ABCC1: variants seen among roughly 807,000 people sequenced by gnomAD.
ABCC1 encodes ATP binding cassette subfamily C member 1 (ABCC1 blood group), also known as multidrug resistance-associated protein 1.
In ABCC1, 83 loss-of-function variants were observed where a neutral mutation model predicts 172.9. That is an observed-to-expected ratio of 0.48 (90% CI 0.40 to 0.58). ABCC1 has a LOEUF of 0.58. Among genes scored for constraint, ABCC1 ranks in the 20% least tolerant of loss-of-function variants. ABCC1 has a pLI of 0.00. For missense variants in ABCC1, 1,817 were observed against 2,002.7 expected (o/e 0.91, Z 1.77); for synonymous variants, 937 against 825.2 (o/e 1.14, Z -2.32).
Position 16,125,920 on chromosome 16 carries a change from G to A in ABCC1, c.3819+9G>A, listed in dbSNP as rs772901199. The A allele has an allele frequency of 3.1e-6, 5 of 1,610,196 alleles. No homozygotes were observed. Among genetic ancestry groups the A allele is most frequent in the Non-Finnish European group, 4.2e-6 (5 of 1,176,808 alleles). On this transcript the variant is annotated intron_variant, in intron 26 of 30. Transcript: ENST00000399410. Reference sequence around the variant, plus strand: ...CAGAGACTGAGAAGGAGGTAGGCAAGGGCCCCTGGCTGGACCTCTTGGTCT... The same window carrying A: ...CAGAGACTGAGAAGGAGGTAGGCAAAGGCCCCTGGCTGGACCTCTTGGTCT...
At chr16:15,967,367 A>G (rs920569004) in intron 1 of ABCC1, among the ~76,000 whole-genome samples, 12 of 151,992 alleles carry the variant, frequency 7.9e-5, no homozygotes, top group African/African-American at 2.9e-4. Flanking sequence ...AGTCTCTTGG[A>G]CAAGATGGGT....
chr16:16,021,695 A>G (rs561983127), intron 5 of ABCC1, among the ~76,000 whole-genome samples: 2 of 152,322 alleles, frequency 1.3e-5, no homozygotes, highest in South Asian at 2.1e-4. Flanking sequence ...CAACAGACTG[A>G]GACCCTGTCT....
At chr16:16,054,806 T>C (rs2049581900) in intron 11 of ABCC1, among the ~76,000 whole-genome samples, 1 of 152,194 alleles carries the variant, frequency 6.6e-6, no homozygotes, top group Admixed American at 6.5e-5. Flanking sequence ...TCTGAATACA[T>C]GTAAAATGCT....
chr16:16,135,381 C>A (rs212085), intron 28 of ABCC1, among the ~76,000 whole-genome samples: 1 of 152,004 alleles, frequency 6.6e-6, no homozygotes, highest in African/African-American at 2.4e-5. Context: ...CCATGAGTAC[C>A]CAGAGTTTAG....
intron 19 of ABCC1, among the ~76,000 whole-genome samples, chr16:16,094,705 C>T (rs569704633): frequency 3.3e-4 from 49 of 149,850 alleles, no homozygotes; most frequent in Non-Finnish European, 4.7e-4. Context: ...TTAGTAGAAA[C>T]GGGGTTTCAC....
Position 16,090,578 on chromosome 16 carries a change from AGAG to A in ABCC1, c.2638_2640del (p.Glu880del). The A allele has an allele frequency of 1.3e-6, 2 of 1,597,068 alleles. No homozygotes were observed. The highest frequency in any genetic ancestry group is 1.7e-6 in the Non-Finnish European group (2 of 1,168,188). On this transcript the variant is annotated inframe_deletion, in exon 19 of 31. Transcript: ENST00000399410. ...CCAGCACAGAGCAGGAGCAGGATGC[AGAG>A]GAGAACGGTAGGGGCAGCCCCAGGG...
chr16:15,997,668 G>A (rs2047102965), intron 1 of ABCC1, among the ~76,000 whole-genome samples: 1 of 151,958 alleles, frequency 6.6e-6, no homozygotes, highest in Non-Finnish European at 1.5e-5. Flanking sequence ...GAGCCTTTAG[G>A]TATTGCCCAT....
intron 19 of ABCC1, 138 bp downstream of exon 19, chr16:16,090,726 C>A (rs2051219165): frequency 1.1e-6 from 1 of 931,324 alleles, no homozygotes. Flanking sequence ...GATGGAGCCC[C>A]CTAAAGAAGC....
chr16:16,111,012 T>C (rs1241765021), intron 21 of ABCC1, among the ~76,000 whole-genome samples: 1 of 152,090 alleles, frequency 6.6e-6, no homozygotes, highest in Non-Finnish European at 1.5e-5. Context: ...CGAGGAATTC[T>C]GCCTCGGCCT....
intron 5 of ABCC1, among the ~76,000 whole-genome samples, chr16:16,023,321 T>C (rs2048258245): frequency 2.0e-5 from 3 of 152,226 alleles, no homozygotes; most frequent in Admixed American, 2.0e-4. Context: ...TTCTGAGTTT[T>C]TTGCTTAAAA....
chr16:16,103,068 G>C (rs539158653), intron 20 of ABCC1, among the ~76,000 whole-genome samples: 1 of 152,278 alleles, frequency 6.6e-6, no homozygotes, highest in Admixed American at 6.5e-5. Context: ...ACTGTCTCAA[G>C]GCCAGGTGTG....
chr16:15,968,775 T>C (rs2046303192), intron 1 of ABCC1, among the ~76,000 whole-genome samples: 1 of 152,086 alleles, frequency 6.6e-6, no homozygotes, highest in Admixed American at 6.5e-5. Flanking sequence ...CAGGGTGGAG[T>C]GCAGGGGCAC....
At position 16,142,872 on chromosome 16, in the gene ABCC1, A is replaced by C. The variant is rs1201175063; in HGVS notation, c.*1591A>C. The C allele has an allele frequency of 6.6e-6, 1 of 152,634 alleles. No homozygotes were observed. Among genetic ancestry groups the C allele is most frequent in the Non-Finnish European group, 1.5e-5 (1 of 68,038 alleles). The allele number at this position is 152,634 out of a possible 1,614,324, so 9.5% of individuals were successfully genotyped here. On this transcript the variant is annotated 3_prime_UTR_variant, in exon 31 of 31. Coordinates refer to ENST00000399410, the MANE Select transcript of ABCC1 (RefSeq NM_004996.4). ...GCTGCCCCAAGACTCAGACTTGCTA[A>C]GAATTACGCCGCCGACTTCAAACCC...
chr16:16,037,563 G>T (rs752448681), intron 7 of ABCC1, among the ~76,000 whole-genome samples: 16 of 152,218 alleles, frequency 1.1e-4, no homozygotes, highest in Non-Finnish European at 2.1e-4. Context: ...GAAATTGTGG[G>T]TGACATGGGG....
chr16:15,954,764 G>A (rs2045950128), intron 1 of ABCC1, among the ~76,000 whole-genome samples: 1 of 152,000 alleles, frequency 6.6e-6, no homozygotes, highest in African/African-American at 2.4e-5. Context: ...GCCTGGAGGG[G>A]GTGCCTCGCC....
At chr16:15,995,990 T>C (rs1162729377) in intron 1 of ABCC1, among the ~76,000 whole-genome samples, 1 of 145,902 alleles carries the variant, frequency 6.9e-6, no homozygotes. Flanking sequence ...TTTTTTTTTT[T>C]TTTTTTTTTT....
At chr16:16,115,610 G>T (rs777513299) in intron 23 of ABCC1, among the ~76,000 whole-genome samples, 29 of 152,192 alleles carry the variant, frequency 1.9e-4, no homozygotes, top group Admixed American at 3.9e-4. Context: ...ACCTCCCCAA[G>T]TGTTGGGATT....
At chr16:16,008,508 A>G (rs922881079) in intron 2 of ABCC1, among the ~76,000 whole-genome samples, 1 of 150,452 alleles carries the variant, frequency 6.6e-6, no homozygotes, top group Non-Finnish European at 1.5e-5. Flanking sequence ...CCTGGCCCCT[A>G]ATTTTTTTTT....
At position 16,136,495 on chromosome 16, in the gene ABCC1, G is replaced by A. The variant is rs1221691279; in HGVS notation, c.4143G>A (p.Ser1381=). The A allele has an allele frequency of 6.2e-7, 1 of 1,614,032 alleles. No homozygotes were observed. Among genetic ancestry groups the A allele is most frequent in the East Asian group, 2.2e-5 (1 of 44,874 alleles). ...TIIPQDPVLF[S]GSLRMNLDPF... is the part of the protein sequence containing the mutation. ...CTGAACAGGACCCTGTTTTGTTTTC[G>A]GGTTCCCTCCGAATGAACCTGGACC... Residue 1381 remains serine, a synonymous_variant, in exon 29 of 31, where the codon TCG becomes TCA. Transcript: ENST00000399410.
Sources: allele counts gnomAD v4.1 joint callset (sites outside exome capture counted in the v4.1 genomes callset), GRCh38; gene constraint gnomAD v4.1.1; transcripts MANE v1.5; gene names NCBI Gene and HGNC (gene_info 2026-07-23, HGNC 2026-07-21).